PBRM1: variants seen among roughly 807,000 people sequenced by gnomAD.
PBRM1 encodes polybromo 1.
A neutral mutation model predicts 194.5 loss-of-function variants in PBRM1; 27 were observed. The ratio of observed to expected loss-of-function variants is 0.14; its 90% confidence interval spans 0.10 to 0.19. The LOEUF (loss-of-function observed/expected upper bound fraction) is 0.19, where lower values mean the gene tolerates loss of function less well. Ranked by LOEUF, PBRM1 falls within the 10% of genes least tolerant of loss-of-function variation. The pLI, the probability that PBRM1 is intolerant of heterozygous loss-of-function variation, is 1.00. For synonymous variants in PBRM1, 655 were observed against 693.2 expected (o/e 0.94, Z 0.87); for missense variants, 1,466 against 2,077.2 (o/e 0.71, Z 5.72).
At chr3:52,565,099 T>G (rs2084728524) in intron 22 of PBRM1, among the ~76,000 whole-genome samples, 1 of 151,756 alleles carries the variant, frequency 6.6e-6, no homozygotes. Flanking sequence ...CTCAGGAAGC[T>G]GAGGCAGGAA....
At chr3:52,678,950 G>T (rs2097158433) in intron 1 of PBRM1, among the ~76,000 whole-genome samples, 1 of 152,160 alleles carries the variant, frequency 6.6e-6, no homozygotes, top group Admixed American at 6.6e-5. Context: ...TGACAGAAGG[G>T]TTTATCACTT....
chr3:52,563,820 C>T (rs779458468), intron 23 of PBRM1, among the ~76,000 whole-genome samples: 6 of 151,598 alleles, frequency 4.0e-5, no homozygotes, highest in Admixed American at 1.3e-4. Context: ...AGTGTTTCTG[C>T]CTCATTCCAC....
chr3:52,571,187 G>A (rs2087015910), intron 22 of PBRM1, among the ~76,000 whole-genome samples: 1 of 152,106 alleles, frequency 6.6e-6, no homozygotes, highest in African/African-American at 2.4e-5. Context: ...GCTGGGCATG[G>A]TGGCACACGC....
chr3:52,651,843 G>A, intron 5 of PBRM1, 33 bp from the exon 7 acceptor site: 2 of 1,362,112 alleles, frequency 1.5e-6, no homozygotes, highest in Non-Finnish European at 2.1e-6. Context: ...TGCTCAATAA[G>A]TTAAACTATT....
At chr3:52,599,420 CCTAT>C (rs2093822129) in intron 17 of PBRM1, among the ~76,000 whole-genome samples, 1 of 152,132 alleles carries the variant, frequency 6.6e-6, no homozygotes, top group African/African-American at 2.4e-5. Context: ...ACTTATCCTT[CCTAT>C]CTAACTATAA....
chr3:52,681,223 G>C (rs981125380), upstream of PBRM1: 1 of 151,726 alleles, frequency 6.6e-6, no homozygotes, highest in Non-Finnish European at 1.5e-5. Context: ...GAAAGGTTGG[G>C]GATCTCCAGG....
exon 20 of PBRM1, chr3:52,586,654 T>C: frequency 1.2e-6 from 2 of 1,610,416 alleles, no homozygotes; most frequent in South Asian, 1.1e-5. Flanking sequence ...AACATCCTCA[T>C]CTCGGAAGTT....
chr3:52,587,413 G>A, exon 19 of PBRM1: 1 of 1,609,926 alleles, frequency 6.2e-7, no homozygotes. Context: ...TGTTGTAATA[G>A]TCACTCTTAA....
At chr3:52,662,364 A>G in intron 3 of PBRM1, 88 bp from the exon 5 acceptor site, 2 of 1,146,402 alleles carry the variant, frequency 1.7e-6, no homozygotes, top group Non-Finnish European at 2.5e-6. Context: ...TTCAGCAAAG[A>G]CCAAAAATTG....
intron 6 of PBRM1, among the ~76,000 whole-genome samples, chr3:52,650,931 T>C (rs1409682043): frequency 6.6e-6 from 1 of 152,186 alleles, no homozygotes; most frequent in African/African-American, 2.4e-5. Flanking sequence ...AGTCACACAA[T>C]TAATATTTAT....
chr3:52,662,794 C>T (rs1411327480), intron 3 of PBRM1, among the ~76,000 whole-genome samples: 1 of 149,778 alleles, frequency 6.7e-6, no homozygotes, highest in African/African-American at 2.5e-5. Flanking sequence ...CCACTGCACT[C>T]CAGCCTGGTG....
At chr3:52,567,173 C>A (rs965382157) in intron 22 of PBRM1, among the ~76,000 whole-genome samples, 2 of 151,488 alleles carry the variant, frequency 1.3e-5, no homozygotes, top group African/African-American at 2.4e-5. Flanking sequence ...TGTTTTGCAT[C>A]TGAATTTTGT....
At position 52,658,192 on chromosome 3, in the gene PBRM1, CA is replaced by C. The variant is rs2096646131; in HGVS notation, c.645+6del. The stretch of plus-strand genomic sequence containing the variant: ...GACATGTACCTGTTTTTAACTGCAT[CA>C]CTTACCACTTTAGAAGGCAGTTTCT... On this transcript the variant is annotated splice_donor_region_variant and intron_variant, in intron 5 of 29. Transcript: ENST00000296302. 1.5e-6 allele frequency: 2 copies of C among 1,345,626 alleles called. No individual in the cohort carries two copies. Among genetic ancestry groups the C allele is most frequent in the Non-Finnish European group, 2.1e-6 (2 of 935,910 alleles). The allele number at this position is 1,345,626 out of a possible 1,614,324, so 83.4% of individuals were successfully genotyped here. A position where few individuals can be genotyped will look rare whatever the true frequency, so the allele number is the denominator to read the frequency against.
intron 10 of PBRM1, among the ~76,000 whole-genome samples, chr3:52,637,566 G>C (rs983576360): frequency 1.3e-5 from 2 of 151,824 alleles, no homozygotes; most frequent in African/African-American, 4.8e-5. Flanking sequence ...CTCGGAGGTG[G>C]AGGTTGCAGT....
intron 22 of PBRM1, among the ~76,000 whole-genome samples, chr3:52,564,603 T>A (rs909499675): frequency 1.3e-5 from 2 of 151,480 alleles, no homozygotes; most frequent in Non-Finnish European, 2.9e-5. Flanking sequence ...TGAGCTGTGA[T>A]TGCACTACTG....
At chr3:52,667,746 C>CAAAAA (rs34993730) in intron 3 of PBRM1, among the ~76,000 whole-genome samples, 12 of 85,540 alleles carry the variant, frequency 1.4e-4, no homozygotes, top group African/African-American at 4.7e-4. Flanking sequence ...GACTTTGCCT[C>CAAAAA]AAAAAAAAAA....
rs1335703622 is a variant in PBRM1, at chr3:52,638,997, G to T, written c.1087+2957C>A. On this transcript the variant is annotated intron_variant, in intron 10 of 29. Transcript: ENST00000296302. The stretch of plus-strand genomic sequence containing the variant: ...TTCACATTTTTTTTTGGGGGGGGGG[G>T]GCGGGGGACAAAGTTTTGCTCTTGT... 7.1e-5 allele frequency among the ~76,000 whole-genome samples: 8 copies of T among 112,392 alleles called. No homozygotes were observed. In the Admixed American group the frequency reaches 8.6e-4, roughly 12 times the overall value. The allele number at this position is 112,392 out of a possible 152,430, so 73.7% of individuals were successfully genotyped here.
Position 52,609,001 on chromosome 3 carries a change from A to G in PBRM1, c.2567+312T>C. On this transcript the variant is annotated intron_variant, in intron 16 of 29. Transcript: ENST00000296302. This position sits in a 1 kb window ranked among gnomAD's most constrained non-coding sequence, Gnocchi z 4.1. ...AAGAAAAACGCTGTTACTATTTCCA[A>G]TTAGAAACATTTATCTTTTTAAAAA... 2 of 257,166 alleles carry G rather than the reference A, an allele frequency of 7.8e-6. No homozygotes were observed. 15.9% of individuals were successfully genotyped at this position (257,166 alleles called of 1,614,324 possible).
At chr3:52,608,815 G>A (rs1373904795) in intron 16 of PBRM1, among the ~76,000 whole-genome samples, 1 of 151,196 alleles carries the variant, frequency 6.6e-6, no homozygotes, top group Non-Finnish European at 1.5e-5. Flanking sequence ...AACATTTAAT[G>A]TCTTCAGCAA....
Sources: allele counts gnomAD v4.1 joint callset (sites outside exome capture counted in the v4.1 genomes callset), GRCh38; gene constraint gnomAD v4.1.1; non-coding constraint Gnocchi (gnomAD v3.1); transcripts MANE v1.5; gene names NCBI Gene and HGNC (gene_info 2026-07-23, HGNC 2026-07-21).